Variants in DNAJC1 observed in about 807,000 individuals in gnomAD.
DNAJC1 encodes dnaJ homolog subfamily C member 1.
DNAJC1 carries 58 observed loss-of-function variants against 76.6 expected under a neutral mutation model. The ratio of observed to expected loss-of-function variants is 0.76; its 90% CI spans 0.61 to 0.94. The LOEUF is 0.94. Ranked by LOEUF, DNAJC1 falls within the 40% of genes least tolerant of loss-of-function variation. The pLI, the probability that DNAJC1 is intolerant of heterozygous loss-of-function variation, is 0.00. For synonymous variants in DNAJC1, 258 were observed against 267.9 expected (o/e 0.96, Z 0.36); for missense variants, 689 against 677.3 (o/e 1.02, Z -0.19).
chr10:21,946,659 C>T (rs1213260638), intron 1 of DNAJC1, among the ~76,000 whole-genome samples: 1 of 152,028 alleles, frequency 6.6e-6, no homozygotes, highest in East Asian at 1.9e-4. Context: ...CAATTTCATT[C>T]CTAAGTACAT....
chr10:21,798,487 T>A (rs1371644413), intron 9 of DNAJC1, among the ~76,000 whole-genome samples: 1 of 152,208 alleles, frequency 6.6e-6, no homozygotes, highest in Non-Finnish European at 1.5e-5. Context: ...CTTAGCCATA[T>A]GGACCTCCTT....
At chr10:21,926,959 T>C (rs1837137814) in intron 3 of DNAJC1, among the ~76,000 whole-genome samples, 1 of 152,186 alleles carries the variant, frequency 6.6e-6, no homozygotes, top group African/African-American at 2.4e-5. Context: ...ACAAAGTTTA[T>C]TGACTTTTAA....
At chr10:21,866,134 CAA>C (rs1306930222) in intron 8 of DNAJC1, among the ~76,000 whole-genome samples, 1,667 of 33,892 alleles carry the variant, frequency 0.049, 12 homozygotes, top group Middle Eastern at 0.11. Flanking sequence ...GACTTCAACT[CAA>C]AAAAAAAAAA....
intron 6 of DNAJC1, among the ~76,000 whole-genome samples, chr10:21,905,401 T>C (rs1026426637): frequency 1.1e-4 from 16 of 152,078 alleles, no homozygotes; most frequent in East Asian, 3.9e-4. Flanking sequence ...AGATAGTCTA[T>C]AGGAATACCA....
chr10:21,959,287 G>C (rs1413840886), intron 1 of DNAJC1, among the ~76,000 whole-genome samples: 2 of 151,692 alleles, frequency 1.3e-5, no homozygotes, highest in African/African-American at 4.8e-5. Context: ...ACCAGGCCCG[G>C]CTAATTTTTT....
At chr10:21,878,016 G>A (rs996974608) in intron 8 of DNAJC1, among the ~76,000 whole-genome samples, 3 of 152,046 alleles carry the variant, frequency 2.0e-5, no homozygotes, top group Admixed American at 6.6e-5. Context: ...CTAAGTTCAC[G>A]TTGTTGTCTG....
At chr10:21,866,814 G>A (rs1444343135) in intron 8 of DNAJC1, among the ~76,000 whole-genome samples, 2 of 151,264 alleles carry the variant, frequency 1.3e-5, no homozygotes, top group Non-Finnish European at 2.9e-5. Flanking sequence ...ACTGAAATCA[G>A]AGTGTGTTCT....
chr10:21,859,975 G>A (rs1161585125), intron 8 of DNAJC1, among the ~76,000 whole-genome samples: 1 of 151,746 alleles, frequency 6.6e-6, no homozygotes, highest in Non-Finnish European at 1.5e-5. Flanking sequence ...GTAGAGATGG[G>A]GTTTCGCAAT....
At chr10:21,880,823 G>A (rs1225658264) in intron 8 of DNAJC1, among the ~76,000 whole-genome samples, 2 of 152,132 alleles carry the variant, frequency 1.3e-5, no homozygotes, top group Non-Finnish European at 2.9e-5. Flanking sequence ...ATTCCCTGAC[G>A]AGAAAGTAAG....
chr10:21,967,206 C>T (rs1837908042), intron 1 of DNAJC1, among the ~76,000 whole-genome samples: 1 of 152,040 alleles, frequency 6.6e-6, no homozygotes, highest in Non-Finnish European at 1.5e-5. Flanking sequence ...GCAGTCAATC[C>T]CGGTTCCAAT....
At chr10:21,867,263 C>A (rs571644289) in intron 8 of DNAJC1, among the ~76,000 whole-genome samples, 9 of 151,834 alleles carry the variant, frequency 5.9e-5, no homozygotes, top group Non-Finnish European at 1.5e-5. Context: ...AAGGAGACAG[C>A]GAGCGAATAT....
chr10:21,837,764 G>C (rs1160373337), intron 8 of DNAJC1, among the ~76,000 whole-genome samples: 4 of 135,446 alleles, frequency 3.0e-5, no homozygotes, highest in South Asian at 2.6e-4. Flanking sequence ...GCAGCCGCCT[G>C]GTCCAGGAGG....
intron 3 of DNAJC1, among the ~76,000 whole-genome samples, chr10:21,922,216 T>A (rs1837053451): frequency 6.6e-6 from 1 of 152,010 alleles, no homozygotes; most frequent in Admixed American, 6.6e-5. Context: ...CTGCAGTAGC[T>A]ACTTTGATAG....
chr10:21,856,060 T>C (rs1835828543), intron 8 of DNAJC1, among the ~76,000 whole-genome samples: 1 of 152,210 alleles, frequency 6.6e-6, no homozygotes, highest in African/African-American at 2.4e-5. Flanking sequence ...TAGAGATAGT[T>C]ACAGAGACTG....
intron 8 of DNAJC1, among the ~76,000 whole-genome samples, chr10:21,821,260 C>T (rs1835154635): frequency 6.6e-6 from 1 of 152,016 alleles, no homozygotes; most frequent in African/African-American, 2.4e-5. Flanking sequence ...CCTGCTCTTG[C>T]CTTCAATATT....
intron 9 of DNAJC1, among the ~76,000 whole-genome samples, chr10:21,788,162 GC>G (rs1455994860): frequency 6.6e-6 from 1 of 152,234 alleles, no homozygotes; most frequent in African/African-American, 2.4e-5. Context: ...AGGAAAGGGT[GC>G]TTTGACAGAA....
intron 8 of DNAJC1, among the ~76,000 whole-genome samples, chr10:21,840,920 G>A (rs1835564260): frequency 6.6e-6 from 1 of 152,066 alleles, no homozygotes; most frequent in African/African-American, 2.4e-5. Flanking sequence ...GACCAAAGGA[G>A]CAGAACAGAG....
chr10:21,795,190 T>C (rs187359761), intron 9 of DNAJC1, among the ~76,000 whole-genome samples: 194 of 152,286 alleles, frequency 1.3e-3, no homozygotes, highest in African/African-American at 4.6e-3. Context: ...ATAAGTACTA[T>C]ACAGATTAAT....
chr10:21,969,673 T>TA (rs1414061315), intron 1 of DNAJC1, among the ~76,000 whole-genome samples: 1 of 152,216 alleles, frequency 6.6e-6, no homozygotes, highest in Non-Finnish European at 1.5e-5. Flanking sequence ...TTCTAAATTT[T>TA]AAAAAGCATT....
Sources: gnomAD v4.1 joint callset for allele counts (sites outside exome capture counted in the v4.1 genomes callset) on GRCh38, gnomAD v4.1.1 for gene constraint, MANE v1.5 for transcripts, NCBI Gene and HGNC (gene_info 2026-07-23, HGNC 2026-07-21) for gene names.